The following ZBED3 variants were observed in gnomAD, a reference collection of about 807,000 sequenced individuals.
ZBED3 encodes zinc finger BED-type containing 3.
For synonymous variants in ZBED3, 175 were observed against 180.0 expected, an observed-to-expected ratio of 0.97 and a Z score of 0.22; for missense variants, 388 against 362.9, an observed-to-expected ratio of 1.07 and a Z score of -0.56.
chr5:77,077,421 C>A lies in ZBED3; in HGVS notation c.458G>T (p.Arg153Leu). The A allele has an allele frequency of 5.7e-6, 7 of 1,231,834 alleles. No homozygotes were observed. Among genetic ancestry groups the A allele is most frequent in the Non-Finnish European group, 7.1e-6 (7 of 984,912 alleles). The allele number at this position is 1,231,834 out of a possible 1,614,324, so 76.3% of individuals were successfully genotyped here. A position where few individuals can be genotyped will look rare whatever the true frequency, so the allele number is the denominator to read the frequency against. ...GSRRERELERRELAVEQGERA... is the reference protein window; with the variant it reads ...GSRRERELERLELAVEQGERA... ...CTCGCCCTGCTCCACGGCCAGCTCG[C>A]GCCGCTCCAGCTCCCGCTCCCGCCG... The change falls in exon 3 of 3, where the codon CGC (arginine) becomes CTC (leucine). Residue 153 changes from arginine to leucine, a missense_variant. By Grantham distance (102) the Arg-to-Leu change is moderately radical. Coordinates refer to ENST00000255198, the MANE Select transcript of ZBED3 (RefSeq NM_032367.4).
chr5:77,084,085 A>G (rs761761550), intron 1 of ZBED3, among the ~76,000 whole-genome samples: 8 of 152,196 alleles, frequency 5.3e-5, no homozygotes, highest in Non-Finnish European at 8.8e-5. Flanking sequence ...CTCTCATTCA[A>G]ATGCTCATTG....
Position 77,074,530 on chromosome 5 carries a change from A to G in ZBED3, c.*2644T>C, listed in dbSNP as rs1470733326. 2 of 152,198 alleles carry G rather than the reference A, an allele frequency of 1.3e-5. No individual in the cohort carries two copies. Among genetic ancestry groups the G allele is most frequent in the African/African-American group, 4.8e-5 (2 of 41,454 alleles). The allele number at this position is 152,198 out of a possible 1,614,324, so 9.4% of individuals were successfully genotyped here. A position where few individuals can be genotyped will look rare whatever the true frequency, so the allele number is the denominator to read the frequency against. On this transcript the variant is annotated 3_prime_UTR_variant, in exon 3 of 3. Coordinates refer to ENST00000255198, the MANE Select transcript of ZBED3 (RefSeq NM_032367.4). ...CCCCTGAACCTGTCTCATCTACAAA[A>G]TGGGCATAGTAGCACCTATGTCATA...
In ZBED3 at chr5:77,077,658, T is replaced by A. The variant is rs1345944526; in HGVS notation, c.221A>T (p.Glu74Val). The A allele has an allele frequency of 1.4e-6, 2 of 1,405,102 alleles. No homozygotes were observed. The highest frequency in any genetic ancestry group is 3.1e-5 in the East Asian group (1 of 32,186). 87.0% of individuals were successfully genotyped at this position (1,405,102 alleles called of 1,614,324 possible). ...GAAGCCCGGGCCGCGGCCCACCTGC[T>A]CCCCGCACAGACGGCAGGTGGCCCA... ...GHWATCRLCG[E>V]QVGRGPGFHA... The change falls in exon 3 of 3, where the codon GAG becomes GTG. Residue 74 changes from glutamate (E) to valine (V), a missense_variant. Transcript: ENST00000255198.
intron 1 of ZBED3, among the ~76,000 whole-genome samples, chr5:77,086,088 C>A (rs1411228503): frequency 6.6e-6 from 1 of 152,158 alleles, no homozygotes; most frequent in African/African-American, 2.4e-5. Flanking sequence ...AAGTGTTCTG[C>A]CCTTAAAGTG....
Position 77,087,173 on chromosome 5 carries a change from C to G in ZBED3, c.-215G>C, listed in dbSNP as rs538458916. 5 of 152,544 alleles carry G rather than the reference C, an allele frequency of 3.3e-5. No individual in the cohort carries two copies. The highest frequency in any genetic ancestry group is 1.2e-4 in the African/African-American group (5 of 41,592). The allele number at this position is 152,544 out of a possible 1,614,324, so 9.4% of individuals were successfully genotyped here. On this transcript the variant is annotated 5_prime_UTR_variant, in exon 1 of 3. Transcript: ENST00000255198. ...GTCGGGAGTCCGAGATGGTAGATCCCCCTCCAGGCGCCTCGCTGACATTTT... is the reference window on the plus strand; with the variant it reads ...GTCGGGAGTCCGAGATGGTAGATCCGCCTCCAGGCGCCTCGCTGACATTTT...
chr5:77,080,564 G>A (rs1021559514), intron 1 of ZBED3: 2 of 519,232 alleles, frequency 3.9e-6, no homozygotes, highest in Non-Finnish European at 7.7e-6. Flanking sequence ...CACCTTCTCA[G>A]TCCTCCACAT....
At position 77,077,750 on chromosome 5, in the gene ZBED3, C is replaced by A; in HGVS notation, c.129G>T (p.Ala43=). Residue 43 remains alanine (A), a synonymous_variant, in exon 3 of 3, where the codon GCG becomes GCT. Transcript: ENST00000255198. The part of the protein sequence containing the change: ...PTPTPPGRLG[A]PYSEAWGYFH... ...AGTAGCCCCAGGCCTCGGAGTATGG[C>A]GCCCCCAGGCGGCCGGGAGGCGTCG... 3.0e-6 allele frequency: 4 copies of A among 1,324,052 alleles called. No individual in the cohort carries two copies. The highest frequency in any genetic ancestry group is 3.8e-6 in the Non-Finnish European group (4 of 1,040,190). The allele number at this position is 1,324,052 out of a possible 1,614,324, so 82.0% of individuals were successfully genotyped here. A position where few individuals can be genotyped will look rare whatever the true frequency, so the allele number is the denominator to read the frequency against.
rs1420609348 is a variant in ZBED3 at position 77,077,680 on chromosome 5, C to T, written c.199G>A (p.Ala67Thr). ...TGCTCCCCGCACAGACGGCAGGTGG[C>T]CCAGTGGCCCGACGGATGCCCGGGG... ...GRPGHPSGHW[A>T]TCRLCGEQVG... Residue 67 changes from alanine (A) to threonine (T), a missense_variant, in exon 3 of 3, where the codon GCC (alanine) becomes ACC (threonine). By Grantham distance (58) the Ala-to-Thr change is moderately conservative. Transcript: ENST00000255198. 2 of 1,370,604 alleles carry T rather than the reference C, an allele frequency of 1.5e-6. No individual in the cohort carries two copies. Among genetic ancestry groups the T allele is most frequent in the Admixed American group, 3.5e-5 (1 of 28,750 alleles). 84.9% of individuals were successfully genotyped at this position (1,370,604 alleles called of 1,614,324 possible).
At chr5:77,083,096 G>A (rs1743164100) in intron 1 of ZBED3, among the ~76,000 whole-genome samples, 1 of 152,096 alleles carries the variant, frequency 6.6e-6, no homozygotes, top group South Asian at 2.1e-4. Context: ...GAGATTGCAC[G>A]ATTGTACTCC....
intron 1 of ZBED3, among the ~76,000 whole-genome samples, chr5:77,084,624 C>T (rs1333750756): frequency 6.6e-6 from 1 of 152,162 alleles, no homozygotes. Flanking sequence ...AATCAGTGCT[C>T]ACTCCTTCGG....
rs1742924012 is a variant in ZBED3, at chr5:77,073,698, T to C, written c.*3476A>G. On this transcript the variant is annotated 3_prime_UTR_variant, in exon 3 of 3. Transcript: ENST00000255198. ...AAAAATTACTACTATTTCCTTTTAT[T>C]TGTTGTTGTGAATTTTACTCAGAAT... 7.0e-6 allele frequency: 1 copy of C among 143,020 alleles called. No homozygotes were observed. The highest frequency in any genetic ancestry group is 1.6e-5 in the Non-Finnish European group (1 of 61,690). 8.9% of individuals were successfully genotyped at this position (143,020 alleles called of 1,614,324 possible).
chr5:77,080,419 G>T (rs1743104845), intron 1 of ZBED3: 1 of 467,816 alleles, frequency 2.1e-6, no homozygotes, highest in South Asian at 1.6e-5. Context: ...CCTGAGCCAG[G>T]GACAGGCTGC....
In ZBED3 at chr5:77,076,255, A is replaced by C. The variant is rs1004363669; in HGVS notation, c.*919T>G. On this transcript the variant is annotated 3_prime_UTR_variant, in exon 3 of 3. Transcript: ENST00000255198. ...AGGGACTGAGACAGCGAAAGGGGGAATACTACAGGAGGAAAGACCCAGTAA... is the reference window on the plus strand; with the variant it reads ...AGGGACTGAGACAGCGAAAGGGGGACTACTACAGGAGGAAAGACCCAGTAA... 1 of 151,398 alleles carries C rather than the reference A, an allele frequency of 6.6e-6. No homozygotes were observed. The highest frequency in any genetic ancestry group is 2.0e-4 in the East Asian group (1 of 5,126). The allele number at this position is 151,398 out of a possible 1,614,324, so 9.4% of individuals were successfully genotyped here.
intron 1 of ZBED3, among the ~76,000 whole-genome samples, chr5:77,085,239 A>G (rs1375539678): frequency 6.6e-6 from 1 of 152,262 alleles, no homozygotes; most frequent in Non-Finnish European, 1.5e-5. Context: ...AGAATAAAGG[A>G]AGAGATCAAA....
At chr5:77,085,177 A>C (rs2150743266) in intron 1 of ZBED3, among the ~76,000 whole-genome samples, 1 of 152,356 alleles carries the variant, frequency 6.6e-6, no homozygotes, top group South Asian at 2.1e-4. Context: ...CTGATGAACT[A>C]TCAGATTAAA....
rs1240940980 is a variant in ZBED3 at position 77,073,642 on chromosome 5, C to T, written c.*3532G>A. On this transcript the variant is annotated 3_prime_UTR_variant, in exon 3 of 3. Transcript: ENST00000255198. ...TCAAACCAAACAGTCCAATAACTGACGCATTAAATCTTTATTGACTAAACA... is the reference window on the plus strand; with the variant it reads ...TCAAACCAAACAGTCCAATAACTGATGCATTAAATCTTTATTGACTAAACA... 3 of 152,070 alleles carry T rather than the reference C, an allele frequency of 2.0e-5. No individual in the cohort carries two copies. Among genetic ancestry groups the T allele is most frequent in the Non-Finnish European group, 4.4e-5 (3 of 68,018 alleles). The allele number at this position is 152,070 out of a possible 1,614,324, so 9.4% of individuals were successfully genotyped here.
At chr5:77,084,278 C>T (rs924050656) in intron 1 of ZBED3, among the ~76,000 whole-genome samples, 1 of 152,196 alleles carries the variant, frequency 6.6e-6, no homozygotes, top group African/African-American at 2.4e-5. Flanking sequence ...ATCCTACTCC[C>T]ATAATTCCCA....
In ZBED3 at chr5:77,075,956, T is replaced by C. The variant is rs1188384870; in HGVS notation, c.*1218A>G. The C allele has an allele frequency of 7.2e-4, 25 of 34,940 alleles. 3 individuals are homozygous for C. The highest frequency in any genetic ancestry group is 0.019 in the Middle Eastern group (2 of 108). 2.2% of individuals were successfully genotyped at this position (34,940 alleles called of 1,614,324 possible). A position where few individuals can be genotyped will look rare whatever the true frequency, so the allele number is the denominator to read the frequency against. ...AGTATTATATATACATATATATATA[T>C]ATATATATATGTATATGTATATATG... On this transcript the variant is annotated 3_prime_UTR_variant, in exon 3 of 3. Coordinates refer to ENST00000255198, the MANE Select transcript of ZBED3 (RefSeq NM_032367.4).
At position 77,076,357 on chromosome 5, in the gene ZBED3, G is replaced by C. The variant is rs1342447432; in HGVS notation, c.*817C>G. Reference sequence around the variant, plus strand: ...GAGGGATGCTTTCCCCTTCAGCCCAGAGGTGAGCACTATGACGACATGTGG... The same window carrying C: ...GAGGGATGCTTTCCCCTTCAGCCCACAGGTGAGCACTATGACGACATGTGG... On this transcript the variant is annotated 3_prime_UTR_variant, in exon 3 of 3. Transcript: ENST00000255198. The C allele has an allele frequency of 1.3e-5, 2 of 152,166 alleles. No homozygotes were observed. The highest frequency in any genetic ancestry group is 4.8e-5 in the African/African-American group (2 of 41,400). The allele number at this position is 152,166 out of a possible 1,614,324, so 9.4% of individuals were successfully genotyped here. A position where few individuals can be genotyped will look rare whatever the true frequency, so the allele number is the denominator to read the frequency against.
Sources: gnomAD v4.1 joint callset for allele counts (sites outside exome capture counted in the v4.1 genomes callset) on GRCh38, gnomAD v4.1.1 for gene constraint, MANE v1.5 for transcripts, NCBI Gene and HGNC (gene_info 2026-07-23, HGNC 2026-07-21) for gene names.